The following SOBP variants were observed in gnomAD, a reference collection of about 807,000 sequenced individuals.
SOBP encodes the protein sine oculis binding protein homolog.
A neutral mutation model predicts 53.6 loss-of-function variants in SOBP; 4 were observed. The ratio of observed to expected loss-of-function variants is 0.07; its 90% CI spans 0.04 to 0.17. The LOEUF (loss-of-function observed/expected upper bound fraction) is 0.17. Among genes scored for constraint, SOBP ranks in the 10% least tolerant of loss-of-function variants. SOBP has a pLI of 1.00. For missense variants in SOBP, 1,088 were observed against 1,204.7 expected, an observed-to-expected ratio of 0.90 and a Z score of 1.43; for synonymous variants, 584 against 522.6, an observed-to-expected ratio of 1.12 and a Z score of -1.60.
At chr6:107,555,319 G>A (rs932950439) in intron 4 of SOBP, among the ~76,000 whole-genome samples, 4 of 152,064 alleles carry the variant, frequency 2.6e-5, no homozygotes, top group South Asian at 4.1e-4. Context: ...TAGAAGAGTC[G>A]CCTTAATTCT....
chr6:107,522,369 C>A (rs1282206502), intron 3 of SOBP, among the ~76,000 whole-genome samples: 1 of 152,020 alleles, frequency 6.6e-6, no homozygotes, highest in Non-Finnish European at 1.5e-5. Flanking sequence ...AACTACATGA[C>A]AGTGAGTTAG....
chr6:107,494,703 C>A (rs1357271678), intron 1 of SOBP, among the ~76,000 whole-genome samples: 1 of 152,202 alleles, frequency 6.6e-6, no homozygotes, highest in African/African-American at 2.4e-5. Context: ...GTCAGAGATG[C>A]TTCTTTGCTG....
intron 4 of SOBP, among the ~76,000 whole-genome samples, chr6:107,562,605 G>A (rs1326936229): frequency 2.0e-5 from 3 of 152,192 alleles, no homozygotes; most frequent in Non-Finnish European, 4.4e-5. Context: ...AAAATCAGAA[G>A]TGTTTTTGTT....
chr6:107,608,192 G>A (rs776374886), intron 5 of SOBP, among the ~76,000 whole-genome samples: 3 of 152,178 alleles, frequency 2.0e-5, no homozygotes, highest in Non-Finnish European at 2.9e-5. Context: ...GTTCAGAACT[G>A]GGCTTGTCTC....
rs149836933 is a variant in SOBP, at chr6:107,615,349, G to A, written c.670-18165G>A. ...CTGAATATTAGTGGGGTACTTCCAA[G>A]CAATAGATTTATTAAGCTTTTAGGT... On this transcript the variant is annotated intron_variant, in intron 5 of 6. Coordinates refer to ENST00000317357, the MANE Select transcript of SOBP (RefSeq NM_018013.4). 1.7e-4 allele frequency among the ~76,000 whole-genome samples: 26 copies of A among 152,254 alleles called. 1 individual carries two copies. The East Asian group carries it at 4.5e-3, about 26-fold the overall frequency.
intron 4 of SOBP, among the ~76,000 whole-genome samples, chr6:107,552,114 CATT>C (rs1315969939): frequency 3.3e-5 from 5 of 152,160 alleles, no homozygotes; most frequent in African/African-American, 1.2e-4. Context: ...TATGAAATGT[CATT>C]ATCATGGTAG....
chr6:107,556,067 A>C (rs1226100686), intron 4 of SOBP, among the ~76,000 whole-genome samples: 1 of 152,244 alleles, frequency 6.6e-6, no homozygotes, highest in Non-Finnish European at 1.5e-5. Context: ...GACATTAACA[A>C]TACATGCCAG....
At chr6:107,582,257 A>G (rs764987611) in intron 4 of SOBP, among the ~76,000 whole-genome samples, 2 of 152,196 alleles carry the variant, frequency 1.3e-5, no homozygotes, top group Non-Finnish European at 2.9e-5. Flanking sequence ...CAACATGCAC[A>G]TGGCACCAAG....
chr6:107,532,914 C>T (rs768774014), intron 3 of SOBP, among the ~76,000 whole-genome samples: 2 of 152,172 alleles, frequency 1.3e-5, no homozygotes, highest in Non-Finnish European at 2.9e-5. Context: ...TTTGACTAAA[C>T]GTGTTGCTTG....
intron 4 of SOBP, among the ~76,000 whole-genome samples, chr6:107,556,833 G>A (rs2115019347): frequency 6.6e-6 from 1 of 152,298 alleles, no homozygotes; most frequent in Non-Finnish European, 1.5e-5. Context: ...GAGCAGATGT[G>A]TCCATCTGGC....
chr6:107,500,549 T>C (rs945423975), intron 1 of SOBP, among the ~76,000 whole-genome samples: 6 of 151,722 alleles, frequency 4.0e-5, no homozygotes, highest in African/African-American at 1.5e-4. Context: ...TGAGAAGGAA[T>C]CTCTCTCTGT....
In SOBP at chr6:107,562,863, GA is replaced by G. The variant is rs563567831; in HGVS notation, c.574-24210del. ...CATGATGTCTCAGAATTTTCAGTAA[GA>G]AAAAAAGAAGGGATAGATGAAGTAG... On this transcript the variant is annotated intron_variant, in intron 4 of 6. Coordinates refer to ENST00000317357, the MANE Select transcript of SOBP (RefSeq NM_018013.4). Among the ~76,000 whole-genome samples the G allele has an allele frequency of 2.0e-5, 3 of 152,118 alleles. No homozygotes were observed. In the South Asian group the frequency reaches 6.2e-4, roughly 32 times the overall value.
chr6:107,644,656 G>T (rs1269762908), intron 6 of SOBP, among the ~76,000 whole-genome samples: 1 of 152,176 alleles, frequency 6.6e-6, no homozygotes, highest in Non-Finnish European at 1.5e-5. Context: ...TGGTAAGAAT[G>T]GGGAAAAGAA....
intron 6 of SOBP, among the ~76,000 whole-genome samples, chr6:107,651,341 A>G (rs371417934): frequency 2.5e-4 from 38 of 152,372 alleles, no homozygotes; most frequent in Admixed American, 7.8e-4. Context: ...TTGCTGATAT[A>G]GAGAAAATTT....
chr6:107,625,396 AG>A (rs2115126905), intron 5 of SOBP, among the ~76,000 whole-genome samples: 1 of 152,368 alleles, frequency 6.6e-6, no homozygotes, highest in African/African-American at 2.4e-5. Flanking sequence ...AAGCAATGCA[AG>A]TAAAGCCCAT....
chr6:107,562,301 G>C (rs1209808890), intron 4 of SOBP, among the ~76,000 whole-genome samples: 3 of 151,962 alleles, frequency 2.0e-5, no homozygotes, highest in Admixed American at 1.3e-4. Flanking sequence ...TTACAGGTGT[G>C]AGCCACTGCG....
At chr6:107,593,662 C>T (rs1785840581) in intron 5 of SOBP, among the ~76,000 whole-genome samples, 1 of 152,160 alleles carries the variant, frequency 6.6e-6, no homozygotes, top group Non-Finnish European at 1.5e-5. Flanking sequence ...GTTGTTTCAG[C>T]AGTCAATGAG....
chr6:107,516,210 G>A (rs1415365470), intron 3 of SOBP, among the ~76,000 whole-genome samples: 1 of 152,088 alleles, frequency 6.6e-6, no homozygotes, highest in Admixed American at 6.6e-5. Flanking sequence ...GCTTGTAATA[G>A]TAGTACTTTG....
intron 4 of SOBP, among the ~76,000 whole-genome samples, chr6:107,586,783 C>T (rs927726131): frequency 5.3e-5 from 8 of 152,048 alleles, no homozygotes; most frequent in African/African-American, 1.4e-4. Context: ...ATGAACAATG[C>T]GCACTGAAAA....
Sources: gnomAD v4.1 joint callset for allele counts (sites outside exome capture counted in the v4.1 genomes callset) on GRCh38, gnomAD v4.1.1 for gene constraint, MANE v1.5 for transcripts, NCBI Gene and HGNC (gene_info 2026-07-23, HGNC 2026-07-21) for gene names.